Variants in AMD1 observed in about 807,000 individuals in gnomAD.
The protein encoded by AMD1 is adenosylmethionine decarboxylase 1.
Under a neutral mutation model 40.2 loss-of-function variants are expected in AMD1, and 11 were observed. That is an observed-to-expected ratio of 0.27 (90% CI 0.17 to 0.45). The LOEUF is 0.45. Among genes scored for constraint, AMD1 ranks in the 20% least tolerant of loss-of-function variants. The pLI, the probability that AMD1 is intolerant of heterozygous loss-of-function variation, is 1.00. For missense variants in AMD1, 257 were observed against 410.2 expected, an observed-to-expected ratio of 0.63 and a Z score of 3.23; for synonymous variants, 121 against 130.8, an observed-to-expected ratio of 0.93 and a Z score of 0.51.
At chr6:110,890,146 T>G (rs1420229925) in intron 3 of AMD1, 108 bp from the exon 4 acceptor site, 2 of 774,062 alleles carry the variant, frequency 2.6e-6, no homozygotes, top group Admixed American at 3.4e-5. Context: ...TGAGTTTTGA[T>G]TTTGCCGAGT....
chr6:110,876,219 T>G (rs1375056246), intron 1 of AMD1, among the ~76,000 whole-genome samples: 2 of 152,268 alleles, frequency 1.3e-5, no homozygotes. Context: ...ATCCCGTGGA[T>G]GCTTAGGCCT....
At chr6:110,859,962 G>T in the AMD1 span, among the ~76,000 whole-genome samples, 169 of 152,260 alleles carry the variant, frequency 1.1e-3, 1 homozygote, top group African/African-American at 4.0e-3. Flanking sequence ...CCAAGTAGCT[G>T]GGACTATAGG....
chr6:110,876,302 C>T (rs932380593), intron 1 of AMD1, among the ~76,000 whole-genome samples: 2 of 152,250 alleles, frequency 1.3e-5, no homozygotes, highest in Non-Finnish European at 2.9e-5. Context: ...CCTGGCTCCT[C>T]TGCGCACGAG....
chr6:110,846,650 T>C, the AMD1 span, among the ~76,000 whole-genome samples: 1 of 152,124 alleles, frequency 6.6e-6, no homozygotes, highest in Non-Finnish European at 1.5e-5. Flanking sequence ...GGCAGGTGGA[T>C]CACAAGGTCA....
chr6:110,890,654 T>G (rs1038283024), intron 4 of AMD1: 5 of 184,550 alleles, frequency 2.7e-5, no homozygotes, highest in Admixed American at 1.2e-4. Flanking sequence ...CCTGGCTAAT[T>G]TTTTTTTAAT....
At chr6:110,846,068 C>T in the AMD1 span, among the ~76,000 whole-genome samples, 5 of 152,088 alleles carry the variant, frequency 3.3e-5, no homozygotes, top group South Asian at 6.2e-4. Flanking sequence ...GGTGAAACCC[C>T]GTCTCTACTA....
At position 110,894,527 on chromosome 6, in the gene AMD1, T is replaced by C. The variant is rs1368459689; in HGVS notation, c.*911T>C. ...ACTGTGGAAAACATACAATTCTGTG[T>C]TCCTCAGTAAATGAGATTAGCGTCT... On this transcript the variant is annotated 3_prime_UTR_variant, in exon 9 of 9. Transcript: ENST00000368885. 1 of 152,240 alleles carries C rather than the reference T, an allele frequency of 6.6e-6. No homozygotes were observed. Among genetic ancestry groups the C allele is most frequent in the Non-Finnish European group, 1.5e-5 (1 of 68,044 alleles). The allele number at this position is 152,240 out of a possible 1,614,324, so 9.4% of individuals were successfully genotyped here.
At chr6:110,817,535 G>A in the AMD1 span, among the ~76,000 whole-genome samples, 1 of 152,046 alleles carries the variant, frequency 6.6e-6, no homozygotes, top group African/African-American at 2.4e-5. Flanking sequence ...CTTGAACCCG[G>A]GAGGCAGAAG....
At chr6:110,850,316 G>A in the AMD1 span, among the ~76,000 whole-genome samples, 3 of 152,124 alleles carry the variant, frequency 2.0e-5, no homozygotes, top group Admixed American at 6.5e-5. Flanking sequence ...ACTCTTAGAC[G>A]TTGGGAATAT....
the AMD1 span, among the ~76,000 whole-genome samples, chr6:110,844,819 A>G: frequency 6.6e-6 from 1 of 152,028 alleles, no homozygotes; most frequent in Non-Finnish European, 1.5e-5. Context: ...AGAAAAAAGA[A>G]ATACCTGAGG....
chr6:110,892,678 C>T, intron 6 of AMD1, 57 bp from the exon 7 acceptor site: 1 of 1,584,856 alleles, frequency 6.3e-7, no homozygotes, highest in Non-Finnish European at 8.6e-7. Context: ...AAATTTTGGA[C>T]TCAATTGAAG....
the AMD1 span, among the ~76,000 whole-genome samples, chr6:110,869,095 T>C: frequency 6.6e-6 from 1 of 151,980 alleles, no homozygotes; most frequent in Non-Finnish European, 1.5e-5. Flanking sequence ...TTCAATGTAA[T>C]CTGAGGCATT....
At chr6:110,869,307 A>AT in the AMD1 span, among the ~76,000 whole-genome samples, 2 of 148,078 alleles carry the variant, frequency 1.4e-5, no homozygotes, top group Non-Finnish European at 3.0e-5. Context: ...ATTTTTTTGT[A>AT]TTTTTTAGTA....
chr6:110,832,848 A>T, the AMD1 span, among the ~76,000 whole-genome samples: 1 of 151,910 alleles, frequency 6.6e-6, no homozygotes, highest in African/African-American at 2.4e-5. Flanking sequence ...TGAGACAGAG[A>T]TTCACTCTGT....
At chr6:110,818,419 G>A in the AMD1 span, among the ~76,000 whole-genome samples, 1 of 152,294 alleles carries the variant, frequency 6.6e-6, no homozygotes, top group South Asian at 2.1e-4. Context: ...AGCATCTGGT[G>A]CAGCATTATT....
At chr6:110,819,924 A>T in the AMD1 span, among the ~76,000 whole-genome samples, 7 of 152,168 alleles carry the variant, frequency 4.6e-5, no homozygotes, top group African/African-American at 1.7e-4. Flanking sequence ...ATAATGCATT[A>T]GCATGCATTA....
At chr6:110,869,227 G>A in the AMD1 span, among the ~76,000 whole-genome samples, 1 of 151,198 alleles carries the variant, frequency 6.6e-6, no homozygotes, top group Non-Finnish European at 1.5e-5. Flanking sequence ...GCCTCCCGGG[G>A]TCCCGCCATT....
chr6:110,843,077 G>C, the AMD1 span, among the ~76,000 whole-genome samples: 4 of 152,064 alleles, frequency 2.6e-5, no homozygotes, highest in Middle Eastern at 3.4e-3. Context: ...AGGTTGCAGT[G>C]AGCCGAGATC....
chr6:110,845,142 A>C, the AMD1 span, among the ~76,000 whole-genome samples: 7 of 128,138 alleles, frequency 5.5e-5, no homozygotes, highest in African/African-American at 1.6e-4. Context: ...CAGGTTCAAG[A>C]GATCTCCTGC....
Sources: gnomAD v4.1 joint callset for allele counts (sites outside exome capture counted in the v4.1 genomes callset) on GRCh38, gnomAD v4.1.1 for gene constraint, MANE v1.5 for transcripts, NCBI Gene and HGNC (gene_info 2026-07-23, HGNC 2026-07-21) for gene names.